HCN1: variants seen among roughly 807,000 people sequenced by gnomAD.
The protein encoded by HCN1 is potassium/sodium hyperpolarization-activated cyclic nucleotide-gated channel 1.
A neutral mutation model predicts 78.9 loss-of-function variants in HCN1; 13 were observed. That is an observed-to-expected ratio of 0.16 (90% CI 0.11 to 0.26). The LOEUF is 0.26. Among genes scored for constraint, HCN1 ranks in the 10% least tolerant of loss-of-function variants. HCN1 has a pLI of 1.00. For synonymous variants in HCN1, 552 were observed against 455.5 expected (o/e 1.21, Z -2.70); for missense variants, 810 against 1,154.3 (o/e 0.70, Z 4.32).
intron 2 of HCN1, among the ~76,000 whole-genome samples, chr5:45,593,208 A>G (rs1358105988): frequency 8.5e-5 from 8 of 93,892 alleles, no homozygotes; most frequent in African/African-American, 2.2e-4. Context: ...GCATGCACGC[A>G]CGCGCACACA....
chr5:45,364,772 T>C (rs1747199580), intron 4 of HCN1, among the ~76,000 whole-genome samples: 2 of 152,082 alleles, frequency 1.3e-5, no homozygotes, highest in Admixed American at 1.3e-4. Flanking sequence ...AATATGAGAA[T>C]TTTGTTAACA....
intron 2 of HCN1, among the ~76,000 whole-genome samples, chr5:45,521,521 C>G (rs897486182): frequency 5.9e-5 from 9 of 151,922 alleles, no homozygotes; most frequent in Non-Finnish European, 1.5e-5. Flanking sequence ...GGCATTATGT[C>G]TTTTCATATC....
chr5:45,265,445 C>T (rs1263517014), intron 7 of HCN1, among the ~76,000 whole-genome samples: 7 of 152,062 alleles, frequency 4.6e-5, no homozygotes, highest in African/African-American at 1.2e-4. Flanking sequence ...GTATTGTCTC[C>T]CTGAATGAGT....
chr5:45,591,649 T>C (rs557284981), intron 2 of HCN1, among the ~76,000 whole-genome samples: 27 of 152,308 alleles, frequency 1.8e-4, no homozygotes, highest in African/African-American at 6.3e-4. Context: ...GTTGAGTACT[T>C]TGTACATTAT....
chr5:45,585,135 T>C lies in HCN1; in HGVS notation c.849+60050A>G, dbSNP rs1317126244. Among the ~76,000 whole-genome samples the C allele has an allele frequency of 3.3e-5, 5 of 152,216 alleles. No individual in the cohort carries two copies. The East Asian group carries it at 9.6e-4, about 29-fold the overall frequency. On this transcript the variant is annotated intron_variant, in intron 2 of 7. Transcript: ENST00000303230. ...TCCTGCAGAGTGTTTTCCAACTTGG[T>C]TGCATTCTCCCCGTCACTTTCAGGT...
chr5:45,537,806 T>C (rs1450441372), intron 2 of HCN1, among the ~76,000 whole-genome samples: 1 of 151,998 alleles, frequency 6.6e-6, no homozygotes, highest in Admixed American at 6.6e-5. Flanking sequence ...AATCACTCTT[T>C]GTGCTGTTAG....
intron 1 of HCN1, among the ~76,000 whole-genome samples, chr5:45,646,220 T>C (rs1745547982): frequency 6.6e-6 from 1 of 152,080 alleles, no homozygotes; most frequent in Non-Finnish European, 1.5e-5. Flanking sequence ...AAACTAATTT[T>C]GGTCTGATGC....
At chr5:45,589,049 G>C (rs1466667335) in intron 2 of HCN1, among the ~76,000 whole-genome samples, 2 of 152,166 alleles carry the variant, frequency 1.3e-5, no homozygotes, top group African/African-American at 4.8e-5. Context: ...TTCTGAGAGA[G>C]AGCTTTATGT....
At chr5:45,272,273 G>A (rs1007251383) in intron 6 of HCN1, among the ~76,000 whole-genome samples, 7 of 151,956 alleles carry the variant, frequency 4.6e-5, no homozygotes, top group African/African-American at 1.7e-4. Flanking sequence ...GGCGGGGATG[G>A]GGGGTGTTTA....
intron 5 of HCN1, among the ~76,000 whole-genome samples, chr5:45,311,455 A>G (rs941032884): frequency 2.0e-5 from 3 of 152,196 alleles, no homozygotes; most frequent in African/African-American, 7.2e-5. Context: ...TAAACATCTT[A>G]GAAGGGAATT....
chr5:45,373,287 T>G (rs1347365976), intron 4 of HCN1, among the ~76,000 whole-genome samples: 1 of 120,624 alleles, frequency 8.3e-6, no homozygotes, highest in Non-Finnish European at 1.6e-5. Context: ...TTATATTATA[T>G]ATTATATATA....
At chr5:45,423,095 C>T (rs771410251) in intron 3 of HCN1, among the ~76,000 whole-genome samples, 6 of 151,980 alleles carry the variant, frequency 3.9e-5, no homozygotes, top group Non-Finnish European at 7.4e-5. Context: ...GATGGATATT[C>T]CAATTACCCT....
At chr5:45,572,548 A>T (rs1207447741) in intron 2 of HCN1, among the ~76,000 whole-genome samples, 1 of 152,200 alleles carries the variant, frequency 6.6e-6, no homozygotes, top group Non-Finnish European at 1.5e-5. Flanking sequence ...ATGTGGACAT[A>T]CAACTGTTGC....
intron 2 of HCN1, among the ~76,000 whole-genome samples, chr5:45,610,088 A>C (rs1744804309): frequency 6.6e-6 from 1 of 152,144 alleles, no homozygotes; most frequent in South Asian, 2.1e-4. Flanking sequence ...TGAGAGGATA[A>C]GGTTTGTGTT....
Position 45,483,545 on chromosome 5 carries a change from G to A in HCN1, c.850-21538C>T, listed in dbSNP as rs113315307. 2.5e-4 allele frequency among the ~76,000 whole-genome samples: 38 copies of A among 152,152 alleles called. 1 individual carries two copies. The highest frequency in any genetic ancestry group is 8.2e-4 in the African/African-American group (34 of 41,538). The stretch of plus-strand genomic sequence containing the variant: ...AAGGCTTTGTCGGATGCATAGTTTC[G>A]AATATGTTCTCCCATTCTGAAGGTT... On this transcript the variant is annotated intron_variant, in intron 2 of 7. Coordinates refer to ENST00000303230, the MANE Select transcript of HCN1 (RefSeq NM_021072.4).
At chr5:45,331,159 A>T (rs183115649) in intron 5 of HCN1, among the ~76,000 whole-genome samples, 1 of 151,252 alleles carries the variant, frequency 6.6e-6, no homozygotes, top group African/African-American at 2.4e-5. Flanking sequence ...TACATCAGGT[A>T]AAGTGTAGAA....
intron 3 of HCN1, among the ~76,000 whole-genome samples, chr5:45,400,745 T>G (rs910748018): frequency 6.6e-6 from 1 of 152,144 alleles, no homozygotes; most frequent in African/African-American, 2.4e-5. Flanking sequence ...TTAGCAACTT[T>G]TCTATTTTCC....
At position 45,424,247 on chromosome 5, in the gene HCN1, C is replaced by A. The variant is rs112538351; in HGVS notation, c.1012-27537G>T. Among the ~76,000 whole-genome samples, 697 of 151,760 alleles carry A rather than the reference C, an allele frequency of 4.6e-3. 8 individuals carry two copies. Among genetic ancestry groups the A allele is most frequent in the Middle Eastern group, 0.041 (12 of 294 alleles). On this transcript the variant is annotated intron_variant, in intron 3 of 7. Coordinates refer to ENST00000303230, the MANE Select transcript of HCN1 (RefSeq NM_021072.4). ...GTTGGAGCTTGCCTTGGGCAGAGAT[C>A]GCACCACTGCATTCCAGCCTGGGTG... is the stretch of plus-strand genomic sequence containing the variant.
At chr5:45,694,714 C>G (rs1287291466) in intron 1 of HCN1, among the ~76,000 whole-genome samples, 1 of 152,122 alleles carries the variant, frequency 6.6e-6, no homozygotes, top group Non-Finnish European at 1.5e-5. Flanking sequence ...CTAAGATAAT[C>G]GTGCACACGC....
Sources: allele counts gnomAD v4.1 joint callset (sites outside exome capture counted in the v4.1 genomes callset), GRCh38; gene constraint gnomAD v4.1.1; transcripts MANE v1.5; gene names NCBI Gene and HGNC (gene_info 2026-07-23, HGNC 2026-07-21).